The following ASXL2 variants were observed in gnomAD, a reference collection of about 807,000 sequenced individuals.
ASXL2 encodes the protein putative Polycomb group protein ASXL2.
ASXL2 carries 23 observed loss-of-function variants against 122.0 expected under a neutral mutation model. That is an observed-to-expected ratio of 0.19 (90% CI 0.14 to 0.27). ASXL2 has a LOEUF of 0.27. Among genes scored for constraint, ASXL2 ranks in the 10% least tolerant of loss-of-function variants. ASXL2 has a pLI of 1.00. For missense variants in ASXL2, 1,518 were observed against 1,713.8 expected (o/e 0.89, Z 2.02); for synonymous variants, 650 against 637.0 (o/e 1.02, Z -0.31).
intron 3 of ASXL2, among the ~76,000 whole-genome samples, chr2:25,813,530 G>A (rs1222150024): frequency 6.6e-6 from 1 of 152,158 alleles, no homozygotes; most frequent in East Asian, 1.9e-4. Flanking sequence ...CTAAATGTAT[G>A]AGGAAACTTA....
At chr2:25,769,055 G>A (rs1045644767) in intron 6 of ASXL2, among the ~76,000 whole-genome samples, 187 bp from the exon 7 acceptor site, 12 of 152,070 alleles carry the variant, frequency 7.9e-5, no homozygotes, top group Non-Finnish European at 1.5e-4. Flanking sequence ...ATCAAGTGTA[G>A]TATCTGTTCT....
intron 3 of ASXL2, among the ~76,000 whole-genome samples, chr2:25,821,715 G>C (rs2089313337): frequency 6.6e-6 from 1 of 152,164 alleles, no homozygotes; most frequent in South Asian, 2.1e-4. Flanking sequence ...TTGATCACTT[G>C]ACTAACCAAA....
At chr2:25,838,876 G>T (rs1423458099) in intron 2 of ASXL2, among the ~76,000 whole-genome samples, 3 of 152,128 alleles carry the variant, frequency 2.0e-5, no homozygotes, top group Non-Finnish European at 4.4e-5. Context: ...ACATCTCTCT[G>T]AATCTTTGGT....
rs979712790 is a variant in ASXL2 at position 25,736,838 on chromosome 2, G to C, written c.*5191C>G. 6.6e-6 allele frequency: 1 copy of C among 152,008 alleles called. No individual in the cohort carries two copies. The highest frequency in any genetic ancestry group is 1.9e-4 in the East Asian group (1 of 5,202). The allele number at this position is 152,008 out of a possible 1,614,324, so 9.4% of individuals were successfully genotyped here. On this transcript the variant is annotated 3_prime_UTR_variant, in exon 13 of 13. Transcript: ENST00000435504. ...TTTTCTTTTAGGTCATCAATGATTC[G>C]ATATATTATTCATTTGTTAAAAAAT... is the stretch of plus-strand genomic sequence containing the variant.
chr2:25,802,483 T>C (rs1344309583), intron 4 of ASXL2, among the ~76,000 whole-genome samples: 1 of 152,190 alleles, frequency 6.6e-6, no homozygotes, highest in Non-Finnish European at 1.5e-5. Flanking sequence ...TAGTAGAATC[T>C]TTTGCTATTA....
Position 25,740,244 on chromosome 2 carries a change from G to A in ASXL2, c.*1785C>T. On this transcript the variant is annotated 3_prime_UTR_variant, in exon 13 of 13. Coordinates refer to ENST00000435504, the MANE Select transcript of ASXL2 (RefSeq NM_018263.6). Reference sequence around the variant, plus strand: ...TCTTACGGAGAGGAGCGGAGCAGGGGCTGTGGGAAAGCATCGAAGAGTGTG... The same window carrying A: ...TCTTACGGAGAGGAGCGGAGCAGGGACTGTGGGAAAGCATCGAAGAGTGTG... 1 of 221,628 alleles carries A rather than the reference G, an allele frequency of 4.5e-6. No individual in the cohort carries two copies. The highest frequency in any genetic ancestry group is 1.8e-4 in the South Asian group (1 of 5,430). The allele number at this position is 221,628 out of a possible 1,614,324, so 13.7% of individuals were successfully genotyped here.
chr2:25,747,802 C>T (rs986476941), intron 12 of ASXL2, among the ~76,000 whole-genome samples: 5 of 151,860 alleles, frequency 3.3e-5, no homozygotes, highest in Non-Finnish European at 5.9e-5. Flanking sequence ...TCTGGCGATG[C>T]ATGTTAATGG....
intron 3 of ASXL2, among the ~76,000 whole-genome samples, chr2:25,811,754 T>A (rs909066553): frequency 3.9e-5 from 6 of 152,154 alleles, no homozygotes; most frequent in Non-Finnish European, 8.8e-5. Flanking sequence ...ATATTTGTAT[T>A]TATTTATATT....
rs148405440 is a variant in ASXL2, at chr2:25,829,289, T to TACAC, written c.143+6245_143+6248dup. Among the ~76,000 whole-genome samples, 833 of 145,690 alleles carry TACAC rather than the reference T, an allele frequency of 5.7e-3. 9 individuals carry two copies. Among genetic ancestry groups the TACAC allele is most frequent in the African/African-American group, 7.0e-3 (278 of 39,870 alleles). On this transcript the variant is annotated intron_variant, in intron 3 of 12. Coordinates refer to ENST00000435504, the MANE Select transcript of ASXL2 (RefSeq NM_018263.6). ...ACACAGAAAGGGAGACACATACACA[T>TACAC]ACACACACACACACACACACACACG...
At chr2:25,828,616 G>C (rs2089408244) in intron 3 of ASXL2, among the ~76,000 whole-genome samples, 1 of 151,436 alleles carries the variant, frequency 6.6e-6, no homozygotes, top group Non-Finnish European at 1.5e-5. Flanking sequence ...ACGAGGTCAG[G>C]AGTTTGAGAC....
intron 1 of ASXL2, among the ~76,000 whole-genome samples, chr2:25,857,157 T>C (rs1403014986): frequency 6.6e-6 from 1 of 151,096 alleles, no homozygotes; most frequent in Non-Finnish European, 1.5e-5. Context: ...TTCCAATATG[T>C]GGTAAGCCAT....
chr2:25,799,267 G>T, intron 5 of ASXL2, 118 bp downstream of exon 5: 1 of 1,389,930 alleles, frequency 7.2e-7, no homozygotes, highest in African/African-American at 1.4e-5. Flanking sequence ...TGACAGGACT[G>T]TTATAGAGGG....
At chr2:25,807,548 T>G (rs2089101246) in intron 3 of ASXL2, among the ~76,000 whole-genome samples, 1 of 152,228 alleles carries the variant, frequency 6.6e-6, no homozygotes, top group Non-Finnish European at 1.5e-5. Flanking sequence ...TATAATGTAA[T>G]TCCAATCAGG....
chr2:25,878,193 G>C lies in ASXL2; in HGVS notation c.30C>G (p.Gly10=), dbSNP rs1426273055. 6 of 1,613,844 alleles carry C rather than the reference G, an allele frequency of 3.7e-6. No homozygotes were observed. The highest frequency in any genetic ancestry group is 5.1e-6 in the Non-Finnish European group (6 of 1,179,864). MREKGRRKK[G]RTWAEAAKTV... is the part of the protein sequence containing the mutation. ...TCTTGGCGGCCTCCGCCCAGGTCCT[G>C]CCCTTCTTCCTACGTCCCTTTTCCC... Residue 10 remains glycine, a synonymous_variant, in exon 1 of 13, where the codon GGC becomes GGG. Coordinates refer to ENST00000435504, the MANE Select transcript of ASXL2 (RefSeq NM_018263.6).
intron 5 of ASXL2, 101 bp downstream of exon 5, chr2:25,799,283 GA>G (rs2088959651): frequency 2.0e-6 from 3 of 1,508,616 alleles, no homozygotes; most frequent in Non-Finnish European, 2.7e-6. Flanking sequence ...GAGGGTAAGG[GA>G]AAGTGACTGA....
At chr2:25,791,460 C>T (rs555743545) in intron 5 of ASXL2, among the ~76,000 whole-genome samples, 1 of 150,718 alleles carries the variant, frequency 6.6e-6, no homozygotes, top group South Asian at 2.1e-4. Flanking sequence ...GCACTCCAGC[C>T]TGGGCGACAA....
At chr2:25,853,434 C>T (rs542738289) in intron 1 of ASXL2, among the ~76,000 whole-genome samples, 6 of 152,172 alleles carry the variant, frequency 3.9e-5, no homozygotes, top group Non-Finnish European at 5.9e-5. Flanking sequence ...TCACACTAGA[C>T]TCTTGTGGTT....
chr2:25,813,782 G>C (rs1482393600), intron 3 of ASXL2, among the ~76,000 whole-genome samples: 2 of 152,222 alleles, frequency 1.3e-5, no homozygotes, highest in Non-Finnish European at 1.5e-5. Flanking sequence ...CGGGCGCAGT[G>C]GCTCACGCCT....
chr2:25,753,476 C>T (rs2088081629), intron 11 of ASXL2, 58 bp downstream of exon 11: 3 of 1,300,772 alleles, frequency 2.3e-6, no homozygotes, highest in Non-Finnish European at 3.3e-6. Context: ...AGATAAAGCA[C>T]TACATGACTT....
Sources: allele counts gnomAD v4.1 joint callset (sites outside exome capture counted in the v4.1 genomes callset), GRCh38; gene constraint gnomAD v4.1.1; transcripts MANE v1.5; gene names NCBI Gene and HGNC (gene_info 2026-07-23, HGNC 2026-07-21).